Variants in ST3GAL1 observed in about 807,000 individuals in gnomAD.
ST3GAL1 encodes the protein CMP-N-acetylneuraminate-beta-galactosamide-alpha-2,3-sialyltransferase 1.
Under a neutral mutation model 34.1 loss-of-function variants are expected in ST3GAL1, and 16 were observed. That is an observed-to-expected ratio of 0.47 (90% confidence interval 0.32 to 0.71). The LOEUF (loss-of-function observed/expected upper bound fraction) is 0.71. Among genes scored for constraint, ST3GAL1 ranks in the 30% least tolerant of loss-of-function variants. ST3GAL1 has a pLI of 0.04. For missense variants in ST3GAL1, 353 were observed against 447.4 expected (o/e 0.79, Z 1.90); for synonymous variants, 191 against 184.7 (o/e 1.03, Z -0.28).
At chr8:133,514,610 G>A (rs556886339) in intron 2 of ST3GAL1, among the ~76,000 whole-genome samples, 1 of 152,170 alleles carries the variant, frequency 6.6e-6, no homozygotes, top group Non-Finnish European at 1.5e-5. Context: ...GCCCTCCCAC[G>A]ACAGAAGCAA....
intron 5 of ST3GAL1, among the ~76,000 whole-genome samples, chr8:133,473,215 C>T (rs964365149): frequency 6.6e-6 from 1 of 152,256 alleles, no homozygotes. Context: ...GTTTTAGAAA[C>T]CGCCCTCCCC....
At chr8:133,526,829 T>TG (rs1474577148) in intron 2 of ST3GAL1, among the ~76,000 whole-genome samples, 1 of 151,606 alleles carries the variant, frequency 6.6e-6, no homozygotes, top group Non-Finnish European at 1.5e-5. Flanking sequence ...TGGGGCAGAG[T>TG]GGGCGAGGGA....
At chr8:133,532,872 T>G (rs773861709) in intron 2 of ST3GAL1, among the ~76,000 whole-genome samples, 1 of 151,728 alleles carries the variant, frequency 6.6e-6, no homozygotes, top group South Asian at 2.1e-4. Context: ...GTGGAGGGGG[T>G]GATAGTTTGG....
chr8:133,562,330 C>A (rs1819250378), intron 1 of ST3GAL1, among the ~76,000 whole-genome samples: 1 of 151,934 alleles, frequency 6.6e-6, no homozygotes, highest in Middle Eastern at 3.4e-3. Context: ...CTACCTCAGC[C>A]TCCCGAGTAG....
intron 3 of ST3GAL1, among the ~76,000 whole-genome samples, chr8:133,486,480 C>T (rs976132857): frequency 6.6e-6 from 1 of 152,210 alleles, no homozygotes; most frequent in Non-Finnish European, 1.5e-5. Flanking sequence ...CCACTCAACG[C>T]CGCTCTCCTC....
At chr8:133,546,937 C>T (rs574942038) in intron 1 of ST3GAL1, among the ~76,000 whole-genome samples, 3 of 150,716 alleles carry the variant, frequency 2.0e-5, no homozygotes, top group South Asian at 4.2e-4. Flanking sequence ...ACCTGAGAGA[C>T]GAGGTTGCAG....
intron 2 of ST3GAL1, among the ~76,000 whole-genome samples, chr8:133,537,768 AG>A (rs1268523427): frequency 1.3e-5 from 2 of 152,204 alleles, no homozygotes; most frequent in African/African-American, 4.8e-5. Flanking sequence ...GAGGCTGGCA[AG>A]CAGCAGAGGC....
At chr8:133,525,723 G>A (rs1293848332) in intron 2 of ST3GAL1, among the ~76,000 whole-genome samples, 1 of 152,124 alleles carries the variant, frequency 6.6e-6, no homozygotes, top group African/African-American at 2.4e-5. Flanking sequence ...ACAGGGGTCT[G>A]GCATGTCAAC....
intron 2 of ST3GAL1, among the ~76,000 whole-genome samples, chr8:133,514,197 A>G (rs1817578766): frequency 6.6e-6 from 1 of 152,228 alleles, no homozygotes; most frequent in East Asian, 1.9e-4. Flanking sequence ...CACAGACAAC[A>G]AAGGTATGTC....
At chr8:133,502,031 G>A (rs1167078610) in intron 2 of ST3GAL1, among the ~76,000 whole-genome samples, 3 of 152,132 alleles carry the variant, frequency 2.0e-5, no homozygotes, top group African/African-American at 7.2e-5. Flanking sequence ...TTCACCGGGG[G>A]ACTCAAGCAT....
At chr8:133,541,248 G>A (rs1248442154) in intron 2 of ST3GAL1, among the ~76,000 whole-genome samples, 2 of 150,952 alleles carry the variant, frequency 1.3e-5, no homozygotes, top group African/African-American at 4.9e-5. Context: ...GTTTGTCAAT[G>A]CCTGCCTGAA....
At chr8:133,486,491 C>T (rs1046440020) in intron 3 of ST3GAL1, among the ~76,000 whole-genome samples, 1 of 152,240 alleles carries the variant, frequency 6.6e-6, no homozygotes, top group Non-Finnish European at 1.5e-5. Flanking sequence ...CGCTCTCCTC[C>T]CCTGGGTCAG....
At chr8:133,561,471 C>T (rs1347532695) in intron 1 of ST3GAL1, among the ~76,000 whole-genome samples, 1 of 152,080 alleles carries the variant, frequency 6.6e-6, no homozygotes, top group Non-Finnish European at 1.5e-5. Context: ...AATGCTAAAG[C>T]TGGTTCTTGG....
chr8:133,500,899 A>T (rs531671172), intron 2 of ST3GAL1, among the ~76,000 whole-genome samples: 4 of 152,174 alleles, frequency 2.6e-5, no homozygotes, highest in Non-Finnish European at 5.9e-5. Flanking sequence ...AAGGTCAAAA[A>T]TGCACTGAAT....
At chr8:133,568,168 A>T (rs900454372) in intron 1 of ST3GAL1, among the ~76,000 whole-genome samples, 2 of 151,788 alleles carry the variant, frequency 1.3e-5, no homozygotes, top group African/African-American at 4.8e-5. Context: ...TGATCCACCC[A>T]CCTCGGCCTC....
At chr8:133,514,923 C>T (rs543222656) in intron 2 of ST3GAL1, among the ~76,000 whole-genome samples, 1 of 152,268 alleles carries the variant, frequency 6.6e-6, no homozygotes, top group South Asian at 2.1e-4. Context: ...TGCCGTCCTC[C>T]GATGGCCCCC....
rs977865193 is a variant in ST3GAL1 at position 133,457,312 on chromosome 8, A to C, written c.*2452T>G. On this transcript the variant is annotated 3_prime_UTR_variant, in exon 10 of 10. Transcript: ENST00000522652. ...TTCATGTTGAGGGACCTATTCTTAC[A>C]CAGCAAAACCCAGAGAAGTCGACTG... The C allele has an allele frequency of 1.3e-5, 2 of 152,166 alleles. No homozygotes were observed. Among genetic ancestry groups the C allele is most frequent in the African/African-American group, 4.8e-5 (2 of 41,416 alleles). The allele number at this position is 152,166 out of a possible 1,614,324, so 9.4% of individuals were successfully genotyped here.
chr8:133,558,285 C>T (rs1408517232), intron 1 of ST3GAL1, among the ~76,000 whole-genome samples: 12 of 152,170 alleles, frequency 7.9e-5, no homozygotes, highest in Admixed American at 1.3e-4. Flanking sequence ...CTTCTGAGCA[C>T]GGTCCAAGTG....
Position 133,472,855 on chromosome 8 carries a change from G to GAA in ST3GAL1, c.306+2862_306+2863dup, listed in dbSNP as rs143465666. Among the ~76,000 whole-genome samples the GAA allele has an allele frequency of 9.7e-3, 1,167 of 119,774 alleles. 16 individuals carry two copies. Among genetic ancestry groups the GAA allele is most frequent in the African/African-American group, 0.032 (1,079 of 33,316 alleles). 78.6% of individuals were successfully genotyped at this position (119,774 alleles called of 152,430 possible). A position where few individuals can be genotyped will look rare whatever the true frequency, so the allele number is the denominator to read the frequency against. On this transcript the variant is annotated intron_variant, in intron 5 of 9. Coordinates refer to ENST00000522652, the MANE Select transcript of ST3GAL1 (RefSeq NM_173344.3). ...AATATATTCAGCCTTAATTAGTACTGAAAAAAAAAAAAAACCCACCTAAGT... is the reference window on the plus strand; with the variant it reads ...AATATATTCAGCCTTAATTAGTACTGAAAAAAAAAAAAAAAACCCACCTAAGT...
Sources: gnomAD v4.1 joint callset for allele counts (sites outside exome capture counted in the v4.1 genomes callset) on GRCh38, gnomAD v4.1.1 for gene constraint, MANE v1.5 for transcripts, NCBI Gene and HGNC (gene_info 2026-07-23, HGNC 2026-07-21) for gene names.